VCL: variants seen among roughly 807,000 people sequenced by gnomAD.
VCL encodes epididymis luminal protein 114.
VCL carries 47 observed loss-of-function variants against 125.7 expected under a neutral mutation model. That is an observed-to-expected ratio of 0.37 (90% CI 0.30 to 0.48). VCL has a LOEUF of 0.48. VCL is among the 20% of genes least tolerant of loss of function. The pLI is 0.99. For missense variants in VCL, 1,069 were observed against 1,455.5 expected, an observed-to-expected ratio of 0.73 and a Z score of 4.32; for synonymous variants, 458 against 514.6, an observed-to-expected ratio of 0.89 and a Z score of 1.49.
intron 1 of VCL, among the ~76,000 whole-genome samples, chr10:74,001,828 TG>T (rs1840231159): frequency 6.6e-6 from 1 of 152,190 alleles, no homozygotes; most frequent in African/African-American, 2.4e-5. Flanking sequence ...CTTATTCTAG[TG>T]CTTTTCTTTG....
chr10:74,105,682 G>A (rs1177021965), intron 16 of VCL, among the ~76,000 whole-genome samples: 1 of 152,102 alleles, frequency 6.6e-6, no homozygotes, highest in East Asian at 1.9e-4. Context: ...TCAGCCTCCC[G>A]AGTAGCTGGG....
rs1432216416 is a variant in VCL at position 74,109,084 on chromosome 10, G to A, written c.2673G>A (p.Gly891=). Residue 891 remains glycine (G), a synonymous_variant, in exon 18 of 22, where the codon GGG becomes GGA. Transcript: ENST00000211998. ...AAGAGTTCCCTGAGCAGAAGGCCGG[G>A]GAGGTGATTAACCAGCCAATGATGA... ...KDEEFPEQKA[G]EVINQPMMMA... 6.2e-7 allele frequency: 1 copy of A among 1,614,140 alleles called. No homozygotes were observed. Among genetic ancestry groups the A allele is most frequent in the Non-Finnish European group, 8.5e-7 (1 of 1,180,028 alleles).
intron 12 of VCL, among the ~76,000 whole-genome samples, chr10:74,096,243 T>C (rs1213294224): frequency 2.0e-5 from 3 of 151,872 alleles, no homozygotes; most frequent in Non-Finnish European, 2.9e-5. Context: ...ATGCCTGTAA[T>C]CTCAGCTACT....
At chr10:74,083,564 C>A (rs1260334156) in intron 8 of VCL, 51 bp downstream of exon 8, 1 of 1,601,814 alleles carries the variant, frequency 6.2e-7, no homozygotes, top group South Asian at 1.1e-5. Context: ...TCACTCCTAA[C>A]AGGGTGATTC....
chr10:74,070,521 A>G, intron 2 of VCL, 149 bp from the exon 3 acceptor site: 1 of 1,123,498 alleles, frequency 8.9e-7, no homozygotes, highest in Non-Finnish European at 1.3e-6. Flanking sequence ...TAAAATCTAA[A>G]AACGTAGGTT....
intron 8 of VCL, among the ~76,000 whole-genome samples, chr10:74,088,205 TAAAATGAG>T (rs1839819292): frequency 2.0e-5 from 3 of 152,192 alleles, no homozygotes; most frequent in African/African-American, 7.2e-5. Flanking sequence ...ATCTGGATTG[TAAAATGAG>T]GGCAAATCAT....
chr10:74,083,244 C>T, intron 7 of VCL, 122 bp from the exon 8 acceptor site: 3 of 1,329,834 alleles, frequency 2.3e-6, no homozygotes, highest in Admixed American at 3.8e-5. Flanking sequence ...GATATGTTGC[C>T]TTCTATTCAC....
chr10:74,070,738 C>T lies in VCL; in HGVS notation c.308C>T (p.Pro103Leu). 1 of 1,614,164 alleles carries T rather than the reference C, an allele frequency of 6.2e-7. No homozygotes were observed. Among genetic ancestry groups the T allele is most frequent in the Non-Finnish European group, 8.5e-7 (1 of 1,180,024 alleles). Residue 103 changes from proline (P) to leucine (L), a missense_variant, in exon 3 of 22, where the codon CCT becomes CTT. Physicochemically the swap from Pro to Leu is moderately conservative, Grantham distance 98 (BLOSUM62 -3). Around this residue, in one of 6 missense-constraint regions of VCL, gnomAD observed 96 missense variants for 137.6 expected, o/e 0.70. Coordinates refer to ENST00000211998, the MANE Select transcript of VCL (RefSeq NM_014000.3). Reference sequence around the variant, plus strand: ...CTTCAGTCAGACCCTTACTCAGTGCCTGCTCGAGATTATCTAATTGATGGG... The same window carrying T: ...CTTCAGTCAGACCCTTACTCAGTGCTTGCTCGAGATTATCTAATTGATGGG... ...QMLQSDPYSV[P>L]ARDYLIDGSR...
intron 1 of VCL, among the ~76,000 whole-genome samples, chr10:74,016,559 C>T (rs1591652211): frequency 6.6e-6 from 1 of 152,020 alleles, no homozygotes; most frequent in Admixed American, 6.6e-5. Context: ...TGCCCTCTAG[C>T]CTGGGCAACA....
At chr10:74,016,567 A>G (rs1840544303) in intron 1 of VCL, among the ~76,000 whole-genome samples, 1 of 152,150 alleles carries the variant, frequency 6.6e-6, no homozygotes, top group Admixed American at 6.6e-5. Flanking sequence ...AGCCTGGGCA[A>G]CAGAGCGAGA....
intron 15 of VCL, 196 bp from the exon 16 acceptor site, chr10:74,104,854 CT>C (rs1423563624): frequency 2.1e-5 from 14 of 661,398 alleles, no homozygotes; most frequent in Non-Finnish European, 3.3e-5. Flanking sequence ...TCCAGATGGG[CT>C]TTTGGGCTAT....
chr10:74,016,455 A>G (rs983517563), intron 1 of VCL, among the ~76,000 whole-genome samples: 4 of 152,116 alleles, frequency 2.6e-5, no homozygotes, highest in Admixed American at 6.6e-5. Flanking sequence ...TACAAAAAGT[A>G]TAAAAATTAA....
At chr10:74,046,859 C>A (rs1207697917) in intron 2 of VCL, among the ~76,000 whole-genome samples, 3 of 152,182 alleles carry the variant, frequency 2.0e-5, no homozygotes, top group African/African-American at 7.2e-5. Flanking sequence ...ATGCTATGTG[C>A]TTTCACAGAC....
chr10:74,032,991 A>G (rs1184822288), intron 1 of VCL, among the ~76,000 whole-genome samples: 1 of 152,200 alleles, frequency 6.6e-6, no homozygotes, highest in Non-Finnish European at 1.5e-5. Flanking sequence ...AAATGGTTAA[A>G]CATAGAGATA....
At chr10:74,001,304 CT>C (rs1381937249) in intron 1 of VCL, among the ~76,000 whole-genome samples, 1 of 152,144 alleles carries the variant, frequency 6.6e-6, no homozygotes, top group African/African-American at 2.4e-5. Flanking sequence ...CAAGCCTTGT[CT>C]GATATTCCTC....
At chr10:74,072,239 T>A (rs1841672101) in intron 4 of VCL, among the ~76,000 whole-genome samples, 1 of 152,196 alleles carries the variant, frequency 6.6e-6, no homozygotes, top group South Asian at 2.1e-4. Context: ...ATAAAACTAG[T>A]ACATGCTTAT....
intron 1 of VCL, among the ~76,000 whole-genome samples, chr10:74,007,476 G>A (rs1310286795): frequency 6.6e-6 from 1 of 152,026 alleles, no homozygotes; most frequent in Non-Finnish European, 1.5e-5. Flanking sequence ...GGGACAATAT[G>A]CCTCTCCGGG....
intron 1 of VCL, among the ~76,000 whole-genome samples, chr10:74,016,398 T>C (rs533938569): frequency 2.2e-4 from 33 of 151,858 alleles, no homozygotes; most frequent in Middle Eastern, 3.4e-3. Context: ...ATTGCTTGAG[T>C]GTAGAAGTCC....
rs1461214855 is a variant in VCL at position 74,107,461 on chromosome 10, A to G, written c.2559+107A>G. The G allele has an allele frequency of 5.7e-6, 9 of 1,574,028 alleles. No individual in the cohort carries two copies. The East Asian group carries it at 1.8e-4, about 31-fold the overall frequency. ...CCTCCATCACTAGGTGGCTTCGTTTAGCTTTCATTTGAAGCTTAGTGGGAG... is the reference window on the plus strand; with the variant it reads ...CCTCCATCACTAGGTGGCTTCGTTTGGCTTTCATTTGAAGCTTAGTGGGAG... On this transcript the variant is annotated intron_variant, in intron 17 of 21. Coordinates refer to ENST00000211998, the MANE Select transcript of VCL (RefSeq NM_014000.3).
Sources: gnomAD v4.1 joint callset for allele counts (sites outside exome capture counted in the v4.1 genomes callset) on GRCh38, gnomAD v4.1.1 for gene constraint, gnomAD v4.1.1 regional missense constraint, MANE v1.5 for transcripts, NCBI Gene and HGNC (gene_info 2026-07-23, HGNC 2026-07-21) for gene names.